PLEKHA2: variants seen among roughly 807,000 people sequenced by gnomAD.
PLEKHA2 encodes the protein pleckstrin homology domain-containing family A member 2.
Under a neutral mutation model 53.2 loss-of-function variants are expected in PLEKHA2, and 28 were observed. The ratio of observed to expected loss-of-function variants is 0.53; its 90% CI spans 0.39 to 0.72. The LOEUF (loss-of-function observed/expected upper bound fraction) is 0.72. Among genes scored for constraint, PLEKHA2 ranks in the 30% least tolerant of loss-of-function variants. The pLI is 0.00. For synonymous variants in PLEKHA2, 193 were observed against 196.4 expected (o/e 0.98, Z 0.14); for missense variants, 426 against 537.9 (o/e 0.79, Z 2.06).
chr8:38,946,347 G>T, intron 5 of PLEKHA2, 126 bp downstream of exon 5: 2 of 732,530 alleles, frequency 2.7e-6, no homozygotes, highest in East Asian at 2.7e-5. Flanking sequence ...TCTGTACCCA[G>T]TTCTCTCCCA....
intron 10 of PLEKHA2, among the ~76,000 whole-genome samples, chr8:38,961,266 G>A (rs1835034831): frequency 6.6e-6 from 1 of 152,192 alleles, no homozygotes; most frequent in African/African-American, 2.4e-5. Flanking sequence ...GGCCAGGCAC[G>A]GTGGCTCACG....
chr8:38,950,480 T>G, intron 5 of PLEKHA2: 5 of 171,758 alleles, frequency 2.9e-5, no homozygotes, highest in Non-Finnish European at 5.0e-5. Flanking sequence ...CTCACCACCA[T>G]TTGTAATTAC....
At chr8:38,901,546 G>C (rs1425622533) in intron 1 of PLEKHA2, 101 bp downstream of exon 1, 2 of 152,122 alleles carry the variant, frequency 1.3e-5, no homozygotes, top group Non-Finnish European at 2.9e-5. Flanking sequence ...GCGGAGGCCT[G>C]GCGGCCTAGG....
At chr8:38,927,190 A>G (rs1488735762) in intron 2 of PLEKHA2, among the ~76,000 whole-genome samples, 1 of 152,122 alleles carries the variant, frequency 6.6e-6, no homozygotes. Flanking sequence ...ATCTCTTTCT[A>G]TATTTATAGA....
At chr8:38,950,505 G>GT (rs77632516) in intron 5 of PLEKHA2, 39,302 of 181,216 alleles carry the variant, frequency 0.22, 5,244 homozygotes, top group East Asian at 0.46. Context: ...TTTGTTTTAC[G>GT]TTTTTTTTTG....
chr8:38,969,918 A>T lies in PLEKHA2; in HGVS notation c.*135A>T. 1 of 1,261,794 alleles carries T rather than the reference A, an allele frequency of 7.9e-7. No homozygotes were observed. The highest frequency in any genetic ancestry group is 1.5e-5 in the South Asian group (1 of 68,646). The allele number at this position is 1,261,794 out of a possible 1,614,324, so 78.2% of individuals were successfully genotyped here. ...CATATTCCTGTGGATGCTCTTTGGG[A>T]GGGAGGGGCCCATCCAGCTGGGCTG... On this transcript the variant is annotated 3_prime_UTR_variant, in exon 12 of 12. Transcript: ENST00000617275.
intron 10 of PLEKHA2, among the ~76,000 whole-genome samples, chr8:38,957,863 C>T (rs1306296034): frequency 6.6e-6 from 1 of 152,212 alleles, no homozygotes; most frequent in African/African-American, 2.4e-5. Context: ...CCCCTCCACC[C>T]ACAGCTCTGG....
intron 2 of PLEKHA2, among the ~76,000 whole-genome samples, chr8:38,929,867 GAGTTTATGGATCGAT>G (rs1302961720): frequency 6.6e-6 from 1 of 151,384 alleles, no homozygotes; most frequent in Non-Finnish European, 1.5e-5. Context: ...GACATGCTGT[GAGTTTATGGATCGAT>G]AGTTGGGTCT....
In PLEKHA2 at chr8:38,969,496, C is replaced by A. The variant is rs1413066668; in HGVS notation, c.991C>A (p.Leu331Met). 2 of 1,613,896 alleles carry A rather than the reference C, an allele frequency of 1.2e-6. No homozygotes were observed. Among genetic ancestry groups the A allele is most frequent in the Non-Finnish European group, 1.7e-6 (2 of 1,179,840 alleles). Reference protein sequence around the residue: ...SSLSSGPNSILCRGRPPLEEK... With the variant: ...SSLSSGPNSIMCRGRPPLEEK... ...CCTTTCAAGTGGGCCCAACTCTATC[C>A]TGTGCAGGGGGCGGCCACCTTTGGA... is the stretch of plus-strand genomic sequence containing the variant. Residue 331 changes from leucine (L) to methionine (M), a missense_variant, in exon 12 of 12, where the codon CTG (leucine) becomes ATG (methionine). Leu to Met is a conservative substitution (Grantham distance 15). Transcript: ENST00000617275.
chr8:38,933,318 CAG>C (rs1165010777), intron 2 of PLEKHA2, among the ~76,000 whole-genome samples: 1 of 152,150 alleles, frequency 6.6e-6, no homozygotes, highest in Non-Finnish European at 1.5e-5. Context: ...CCCTATGAAA[CAG>C]GGTTTAGCAT....
intron 1 of PLEKHA2, among the ~76,000 whole-genome samples, chr8:38,915,448 C>T (rs1834043338): frequency 1.3e-5 from 2 of 152,218 alleles, no homozygotes; most frequent in African/African-American, 4.8e-5. Flanking sequence ...AAGATCTGTC[C>T]AGGGCCTGCG....
rs1458471213 is a variant in PLEKHA2 at position 38,952,665 on chromosome 8, A to C, written c.663A>C (p.Ala221=). Residue 221 remains alanine, a synonymous_variant, in exon 8 of 12, where the codon GCA becomes GCC. Coordinates refer to ENST00000617275, the MANE Select transcript of PLEKHA2 (RefSeq NM_021623.2). ...VRKSWKRRFF[A]LDDFTICYFK... is the part of the protein sequence containing the mutation. ...AGAGCTGGAAACGTCGCTTCTTTGC[A>C]CTTGATGACTTTACCATCTGCTACT... 1 of 1,611,270 alleles carries C rather than the reference A, an allele frequency of 6.2e-7. No homozygotes were observed. The highest frequency in any genetic ancestry group is 1.3e-5 in the African/African-American group (1 of 74,912).
intron 10 of PLEKHA2, among the ~76,000 whole-genome samples, chr8:38,962,772 A>G (rs1374362429): frequency 6.6e-6 from 1 of 152,244 alleles, no homozygotes; most frequent in Admixed American, 6.5e-5. Flanking sequence ...TGTTAGAACT[A>G]GGGTGCTATG....
chr8:38,930,795 C>T (rs946830498), intron 2 of PLEKHA2, among the ~76,000 whole-genome samples: 5 of 152,152 alleles, frequency 3.3e-5, no homozygotes, highest in Non-Finnish European at 7.3e-5. Context: ...GCTGGCGTAG[C>T]CTTTTCTCTC....
At chr8:38,961,706 G>A (rs772877169) in intron 10 of PLEKHA2, among the ~76,000 whole-genome samples, 10 of 152,154 alleles carry the variant, frequency 6.6e-5, no homozygotes, top group South Asian at 4.1e-4. Context: ...AGAAAGAACC[G>A]TTCATCCTGA....
At chr8:38,950,560 A>G in intron 5 of PLEKHA2, 1 of 287,148 alleles carries the variant, frequency 3.5e-6, no homozygotes, top group Non-Finnish European at 6.5e-6. Context: ...GTGGGGACCC[A>G]CGTGTGTTTC....
Position 38,973,089 on chromosome 8 carries a change from G to C in PLEKHA2, c.*3306G>C, listed in dbSNP as rs1835281882. On this transcript the variant is annotated 3_prime_UTR_variant, in exon 12 of 12. Transcript: ENST00000617275. ...CAAAGTACTCAGATTATAGGTGTGA[G>C]CCACCACGCCTGGCCACCATCTATT... 6.6e-6 allele frequency: 1 copy of C among 152,094 alleles called. No homozygotes were observed. Among genetic ancestry groups the C allele is most frequent in the Non-Finnish European group, 1.5e-5 (1 of 68,030 alleles). The allele number at this position is 152,094 out of a possible 1,614,324, so 9.4% of individuals were successfully genotyped here. A position where few individuals can be genotyped will look rare whatever the true frequency, so the allele number is the denominator to read the frequency against.
intron 2 of PLEKHA2, among the ~76,000 whole-genome samples, chr8:38,918,635 CAG>C (rs930929561): frequency 4.0e-5 from 6 of 150,640 alleles, no homozygotes; most frequent in Admixed American, 2.0e-4. Flanking sequence ...ACACCACACA[CAG>C]AGACACACAT....
rs544596656 is a variant in PLEKHA2, at chr8:38,935,932, G to C, written c.142-62G>C. ...TGGCATAAACAGAGCTAGAATCTTG[G>C]TCTTCTGTCTCTTGGTGCTGTTTCC... is the stretch of plus-strand genomic sequence containing the variant. On this transcript the variant is annotated intron_variant, in intron 2 of 11. Coordinates refer to ENST00000617275, the MANE Select transcript of PLEKHA2 (RefSeq NM_021623.2). The C allele has an allele frequency of 6.3e-4, 949 of 1,514,048 alleles. 2 individuals carry two copies. Among genetic ancestry groups the C allele is most frequent in the Non-Finnish European group, 8.4e-4 (917 of 1,091,550 alleles). The allele number at this position is 1,514,048 out of a possible 1,614,324, so 93.8% of individuals were successfully genotyped here. A position where few individuals can be genotyped will look rare whatever the true frequency, so the allele number is the denominator to read the frequency against.
Sources: gnomAD v4.1 joint callset for allele counts (sites outside exome capture counted in the v4.1 genomes callset) on GRCh38, gnomAD v4.1.1 for gene constraint, MANE v1.5 for transcripts, NCBI Gene and HGNC (gene_info 2026-07-23, HGNC 2026-07-21) for gene names.